ARHGAP24: variants seen among roughly 807,000 people sequenced by gnomAD.
The protein encoded by ARHGAP24 is Rho GTPase activating protein 24, also known as rho GTPase-activating protein 24.
Under a neutral mutation model 76.4 loss-of-function variants are expected in ARHGAP24, and 50 were observed. The ratio of observed to expected loss-of-function variants is 0.65; its 90% CI spans 0.52 to 0.83. The LOEUF is 0.83. Among genes scored for constraint, ARHGAP24 ranks in the 40% least tolerant of loss-of-function variants. ARHGAP24 has a pLI of 0.00. For synonymous variants in ARHGAP24, 345 were observed against 323.3 expected (o/e 1.07, Z -0.72); for missense variants, 930 against 914.2 (o/e 1.02, Z -0.22).
chr4:85,902,615 T>G (rs1394028033), intron 3 of ARHGAP24, among the ~76,000 whole-genome samples: 1 of 152,150 alleles, frequency 6.6e-6, no homozygotes, highest in Non-Finnish European at 1.5e-5. Flanking sequence ...TTATTTTTTA[T>G]TTTTTTGAAC....
intron 2 of ARHGAP24, among the ~76,000 whole-genome samples, chr4:85,584,385 G>A (rs964375664): frequency 6.8e-6 from 1 of 147,360 alleles, no homozygotes; most frequent in African/African-American, 2.5e-5. Context: ...GATGCAAATT[G>A]AACAATGAGA....
intron 2 of ARHGAP24, among the ~76,000 whole-genome samples, chr4:85,702,014 T>C (rs2110026902): frequency 6.6e-6 from 1 of 152,286 alleles, no homozygotes; most frequent in East Asian, 1.9e-4. Flanking sequence ...CAAAAGTCCA[T>C]CAACCCATGG....
intron 7 of ARHGAP24, among the ~76,000 whole-genome samples, chr4:85,976,569 CA>C (rs1467945807): frequency 2.0e-5 from 3 of 152,082 alleles, no homozygotes; most frequent in African/African-American, 4.8e-5. Context: ...TTTATCTCAT[CA>C]GTACAATTAG....
At chr4:85,777,856 A>T (rs1405767509) in intron 3 of ARHGAP24, among the ~76,000 whole-genome samples, 1 of 152,208 alleles carries the variant, frequency 6.6e-6, no homozygotes, top group Admixed American at 6.5e-5. Context: ...TTTCAGTTAG[A>T]AAAACATAAT....
chr4:85,840,103 G>T (rs1366697090), intron 3 of ARHGAP24, among the ~76,000 whole-genome samples: 1 of 144,898 alleles, frequency 6.9e-6, no homozygotes, highest in Non-Finnish European at 1.5e-5. Flanking sequence ...CTGACCTCAT[G>T]ATCCACCCAC....
intron 3 of ARHGAP24, among the ~76,000 whole-genome samples, chr4:85,770,076 C>A (rs1343059300): frequency 6.6e-6 from 1 of 152,160 alleles, no homozygotes; most frequent in African/African-American, 2.4e-5. Flanking sequence ...AATAGCCCAG[C>A]ACTGATGGAC....
At chr4:85,730,277 C>T (rs960309850) in intron 3 of ARHGAP24, among the ~76,000 whole-genome samples, 8 of 152,068 alleles carry the variant, frequency 5.3e-5, no homozygotes, top group Non-Finnish European at 7.3e-5. Flanking sequence ...AAAACATGTC[C>T]CATATTTTAT....
At chr4:85,525,719 G>T (rs546755457) in intron 1 of ARHGAP24, among the ~76,000 whole-genome samples, 2 of 152,152 alleles carry the variant, frequency 1.3e-5, no homozygotes, top group African/African-American at 4.8e-5. Context: ...AGATGATATG[G>T]CATGGCTGTC....
chr4:85,967,895 C>T (rs1046173246), intron 5 of ARHGAP24, among the ~76,000 whole-genome samples: 12 of 152,016 alleles, frequency 7.9e-5, no homozygotes, highest in Non-Finnish European at 1.6e-4. Flanking sequence ...CAGAATGTTC[C>T]ACCCTACCAC....
At chr4:85,721,253 G>A (rs774504313) in intron 2 of ARHGAP24, among the ~76,000 whole-genome samples, 6 of 152,074 alleles carry the variant, frequency 3.9e-5, no homozygotes, top group South Asian at 2.1e-4. Flanking sequence ...AAAATTGGCC[G>A]GGTGTGCTGG....
At chr4:85,957,322 A>G (rs1254186680) in intron 5 of ARHGAP24, among the ~76,000 whole-genome samples, 1 of 152,232 alleles carries the variant, frequency 6.6e-6, no homozygotes, top group East Asian at 1.9e-4. Context: ...TTTGAAAACC[A>G]GCACTACTTG....
intron 5 of ARHGAP24, among the ~76,000 whole-genome samples, chr4:85,957,856 AC>A (rs1321524232): frequency 1.3e-5 from 2 of 152,208 alleles, no homozygotes; most frequent in African/African-American, 4.8e-5. Context: ...CAGGGTGTAA[AC>A]TAGAAATCTG....
At chr4:85,874,789 TATAA>T (rs1286381883) in intron 3 of ARHGAP24, among the ~76,000 whole-genome samples, 503 of 36,868 alleles carry the variant, frequency 0.014, 15 homozygotes, top group East Asian at 0.1. Context: ...TATATTTATA[TATAA>T]TTTATATATA....
At chr4:85,967,837 C>CT (rs1374587290) in intron 5 of ARHGAP24, among the ~76,000 whole-genome samples, 2 of 152,096 alleles carry the variant, frequency 1.3e-5, no homozygotes, top group Admixed American at 6.6e-5. Flanking sequence ...TCTTCATTGG[C>CT]TTTTTTTGTG....
At chr4:85,887,372 A>G (rs1733621337) in intron 3 of ARHGAP24, among the ~76,000 whole-genome samples, 2 of 152,170 alleles carry the variant, frequency 1.3e-5, no homozygotes, top group Admixed American at 1.3e-4. Flanking sequence ...TCTATTAAGA[A>G]TTATTAATCA....
At chr4:85,855,010 A>G in intron 3 of ARHGAP24, among the ~76,000 whole-genome samples, 1 of 152,260 alleles carries the variant, frequency 6.6e-6, no homozygotes, top group East Asian at 1.9e-4. Context: ...CCAGGTGACC[A>G]GAAGTCATCT....
rs1724953950 is a variant in ARHGAP24, at chr4:85,721,831, T to C, written c.181-54T>C. The C allele has an allele frequency of 6.3e-6, 9 of 1,420,908 alleles. No homozygotes were observed. In the East Asian group the frequency reaches 1.4e-4, roughly 22 times the overall value. The allele number at this position is 1,420,908 out of a possible 1,614,324, so 88.0% of individuals were successfully genotyped here. A position where few individuals can be genotyped will look rare whatever the true frequency, so the allele number is the denominator to read the frequency against. ...GGATATTCACTGATTATAATGATGA[T>C]ATATGATGTTTGCTCTCTGATGATG... On this transcript the variant is annotated intron_variant, in intron 2 of 9. Transcript: ENST00000395184.
At position 85,666,976 on chromosome 4, in the gene ARHGAP24, C is replaced by T. The variant is rs560396823; in HGVS notation, c.181-54909C>T. Among the ~76,000 whole-genome samples the T allele has an allele frequency of 3.7e-3, 568 of 152,326 alleles. 5 individuals carry two copies. Among genetic ancestry groups the T allele is most frequent in the Middle Eastern group, 0.027 (8 of 294 alleles). ...GGACCCACTTGAGGAGGCAGTCTGC[C>T]CGTTCTCAGATCTCCAGCTGCGTGC... On this transcript the variant is annotated intron_variant, in intron 2 of 9. Coordinates refer to ENST00000395184, the MANE Select transcript of ARHGAP24 (RefSeq NM_001025616.3).
chr4:85,598,584 A>T (rs1427689906), intron 2 of ARHGAP24, among the ~76,000 whole-genome samples: 2 of 152,048 alleles, frequency 1.3e-5, no homozygotes, highest in African/African-American at 4.8e-5. Context: ...ATTTGAAAAT[A>T]ATAAGATGAA....
Sources: gnomAD v4.1 joint callset for allele counts (sites outside exome capture counted in the v4.1 genomes callset) on GRCh38, gnomAD v4.1.1 for gene constraint, MANE v1.5 for transcripts, NCBI Gene and HGNC (gene_info 2026-07-23, HGNC 2026-07-21) for gene names.